DEFB115: variants seen among roughly 807,000 people sequenced by gnomAD.
DEFB115 encodes the protein defensin beta 115, also known as beta-defensin 115.
DEFB115 carries 7 observed loss-of-function variants against 8.8 expected under a neutral mutation model. The ratio of observed to expected loss-of-function variants is 0.79; its 90% confidence interval spans 0.45 to 1.49. DEFB115 has a LOEUF of 1.49. Among genes scored for constraint, DEFB115 ranks in the 40% most tolerant of loss-of-function variants. DEFB115 has a pLI of 0.01. For synonymous variants in DEFB115, 62 were observed against 37.6 expected (o/e 1.65, Z -2.37); for missense variants, 143 against 99.4 (o/e 1.44, Z -1.86).
chr20:31,259,373 C>A, intron 1 of DEFB115, 87 bp from the exon 2 acceptor site: 1 of 1,337,626 alleles, frequency 7.5e-7, no homozygotes, highest in Non-Finnish European at 9.9e-7. Flanking sequence ...TCACTCTAAC[C>A]ATTATTACTA....
chr20:31,259,553 A>G lies in DEFB115; in HGVS notation c.188A>G (p.His63Arg). 1 of 1,613,246 alleles carries G rather than the reference A, an allele frequency of 6.2e-7. No individual in the cohort carries two copies. Among genetic ancestry groups the G allele is most frequent in the Non-Finnish European group, 8.5e-7 (1 of 1,179,610 alleles). ...ERKKEKCGEK[H>R]ICCVPKEKDK... Reference sequence around the variant, plus strand: ...AAGAAAGAAAAATGTGGGGAAAAACATATTTGCTGTGTCCCTAAAGAAAAG... The same window carrying G: ...AAGAAAGAAAAATGTGGGGAAAAACGTATTTGCTGTGTCCCTAAAGAAAAG... Residue 63 changes from histidine to arginine, a missense_variant, in exon 2 of 2, where the codon CAT becomes CGT. His to Arg is a conservative substitution (Grantham distance 29, BLOSUM62 0). Coordinates refer to ENST00000400552, the MANE Select transcript of DEFB115 (RefSeq NM_001037730.1).
intron 1 of DEFB115, among the ~76,000 whole-genome samples, chr20:31,258,760 G>T (rs186517673): frequency 1.3e-5 from 2 of 152,260 alleles, no homozygotes; most frequent in East Asian, 3.9e-4. Flanking sequence ...AGAGAATTAG[G>T]AATTATCTCC....
Position 31,259,454 on chromosome 20 carries a change from TGATA to T in DEFB115, c.95-2_96del, listed in dbSNP as rs534397123. 3.1e-4 allele frequency: 485 copies of T among 1,585,472 alleles called. 3 individuals carry two copies. The highest frequency in any genetic ancestry group is 3.0e-3 in the South Asian group (255 of 85,018). ...TATATATTCATGTGTTTGCTTATTT[TGATA>T]GATGGATGGATCAGAAGGTGCTATT... On this transcript the variant is annotated splice_acceptor_variant and splice_polypyrimidine_tract_variant and intron_variant, in intron 1 of 1. Transcript: ENST00000400552. LOFTEE classifies it high-confidence loss of function.
At chr20:31,259,025 C>T (rs747311948) in intron 1 of DEFB115, among the ~76,000 whole-genome samples, 1 of 152,080 alleles carries the variant, frequency 6.6e-6, no homozygotes, top group Non-Finnish European at 1.5e-5. Context: ...TGTTCAGGGT[C>T]TTGCTTTAAA....
intron 1 of DEFB115, 137 bp downstream of exon 1, chr20:31,257,894 A>T (rs1983798031): frequency 2.7e-6 from 2 of 747,562 alleles, no homozygotes; most frequent in South Asian, 3.6e-5. Flanking sequence ...GCTTATAATG[A>T]ATATGCTCCC....
intron 1 of DEFB115, 55 bp downstream of exon 1, chr20:31,257,812 C>T: frequency 6.1e-6 from 9 of 1,474,678 alleles, no homozygotes; most frequent in Non-Finnish European, 8.5e-6. Context: ...GTCCTAACCA[C>T]AGAATCACTG....
At chr20:31,259,375 T>C (rs1286656783) in intron 1 of DEFB115, 85 bp from the exon 2 acceptor site, 1 of 1,352,936 alleles carries the variant, frequency 7.4e-7, no homozygotes, top group South Asian at 1.7e-5. Flanking sequence ...ACTCTAACCA[T>C]TATTACTATT....
chr20:31,258,951 C>T (rs758214974), intron 1 of DEFB115, among the ~76,000 whole-genome samples: 15 of 152,088 alleles, frequency 9.9e-5, no homozygotes, highest in Non-Finnish European at 1.9e-4. Flanking sequence ...CACCCACCCC[C>T]CAACACACAC....
chr20:31,259,374 A>G (rs1389065729), intron 1 of DEFB115, 86 bp from the exon 2 acceptor site: 9 of 1,348,124 alleles, frequency 6.7e-6, no homozygotes, highest in African/African-American at 4.5e-5. Context: ...CACTCTAACC[A>G]TTATTACTAT....
chr20:31,259,516 GA>G lies in DEFB115; in HGVS notation c.154del (p.Ile52LeufsTer?). On this transcript the variant is annotated frameshift_variant, in exon 2 of 2. Coordinates refer to ENST00000400552, the MANE Select transcript of DEFB115 (RefSeq NM_001037730.1). LOFTEE classifies it high-confidence loss of function. ...GTGRCRKSCK[E>X]IERKKEKCGE... ...TGGCAGATGCAGGAAATCATGCAAAGAAATTGAGAGGAAGAAAGAAAAATGT... is the reference window on the plus strand; with the variant it reads ...TGGCAGATGCAGGAAATCATGCAAAGAATTGAGAGGAAGAAAGAAAAATGT... The G allele has an allele frequency of 6.2e-7, 1 of 1,613,204 alleles. No individual in the cohort carries two copies. The highest frequency in any genetic ancestry group is 8.5e-7 in the Non-Finnish European group (1 of 1,179,558).
chr20:31,259,358 A>G, intron 1 of DEFB115, 102 bp from the exon 2 acceptor site: 9 of 1,232,156 alleles, frequency 7.3e-6, no homozygotes, highest in Non-Finnish European at 8.6e-6. Flanking sequence ...GTCAAAATCA[A>G]TGTTTCACTC....
At position 31,257,710 on chromosome 20, in the gene DEFB115, C is replaced by A; in HGVS notation, c.47C>A (p.Ser16Tyr). ...FSPLSGDIKL[S>Y]VLALVVLVVL... The stretch of plus-strand genomic sequence containing the variant: ...CCCCTCTCAGGAGACATTAAACTCT[C>A]TGTCCTGGCCTTAGTTGTCCTTGTG... Residue 16 changes from serine to tyrosine, a missense_variant, in exon 1 of 2, where the codon TCT becomes TAT. By Grantham distance (144) the Ser-to-Tyr change is moderately radical. Transcript: ENST00000400552. 1 of 1,614,064 alleles carries A rather than the reference C, an allele frequency of 6.2e-7. No homozygotes were observed. Among genetic ancestry groups the A allele is most frequent in the Non-Finnish European group, 8.5e-7 (1 of 1,179,962 alleles).
intron 1 of DEFB115, 78 bp downstream of exon 1, chr20:31,257,835 T>C: frequency 1.5e-6 from 2 of 1,312,128 alleles, no homozygotes; most frequent in Non-Finnish European, 2.2e-6. Flanking sequence ...AAATTGAACA[T>C]GTGTAGAAGC....
chr20:31,259,407 G>A (rs948262980), intron 1 of DEFB115, 53 bp from the exon 2 acceptor site: 9 of 1,473,808 alleles, frequency 6.1e-6, no homozygotes, highest in Non-Finnish European at 8.1e-6. Context: ...TTCTTTAATT[G>A]TATTTATTTT....
At chr20:31,259,188 A>G (rs745975876) in intron 1 of DEFB115, among the ~76,000 whole-genome samples, 1 of 152,184 alleles carries the variant, frequency 6.6e-6, no homozygotes, top group African/African-American at 2.4e-5. Flanking sequence ...AGATTTAGAG[A>G]GGAAGTAGAA....
rs372311779 is a variant in DEFB115 at position 31,259,603 on chromosome 20, C to T, written c.238C>T (p.Gln80Ter). Residue 80 changes from glutamine to a stop codon, truncating the protein, a stop_gained, in exon 2 of 2, where the codon CAA becomes TAA. Coordinates refer to ENST00000400552, the MANE Select transcript of DEFB115 (RefSeq NM_001037730.1). LOFTEE classifies it high-confidence loss of function. ...GGATAAACTATCACACATTCACGACCAAAAAGAGACAAGTGAGCTATATAT... is the reference window on the plus strand; with the variant it reads ...GGATAAACTATCACACATTCACGACTAAAAAGAGACAAGTGAGCTATATAT... Reference protein sequence around the residue: ...EKDKLSHIHDQKETSELYI With the variant: ...EKDKLSHIHD 9 of 1,599,542 alleles carry T rather than the reference C, an allele frequency of 5.6e-6. No homozygotes were observed. The highest frequency in any genetic ancestry group is 7.7e-6 in the Non-Finnish European group (9 of 1,174,124).
chr20:31,259,117 T>C (rs1983833373), intron 1 of DEFB115, among the ~76,000 whole-genome samples: 1 of 152,020 alleles, frequency 6.6e-6, no homozygotes, highest in African/African-American at 2.4e-5. Context: ...AGATGAATAA[T>C]GAATGGAGAG....
chr20:31,258,400 T>C (rs1983810388), intron 1 of DEFB115, among the ~76,000 whole-genome samples: 1 of 152,192 alleles, frequency 6.6e-6, no homozygotes, highest in South Asian at 2.1e-4. Flanking sequence ...AATGGAAATG[T>C]TTTCCCCTTA....
rs906231675 is a variant in DEFB115, at chr20:31,258,625, G to A, written c.95-835G>A. ...TTCCAGCGAGGGCAAGTAGAATAGAGGGAGTTGCAGATGCAAGAGACATTT... is the reference window on the plus strand; with the variant it reads ...TTCCAGCGAGGGCAAGTAGAATAGAAGGAGTTGCAGATGCAAGAGACATTT... On this transcript the variant is annotated intron_variant, in intron 1 of 1. Transcript: ENST00000400552. Among the ~76,000 whole-genome samples the A allele has an allele frequency of 3.9e-5, 6 of 152,300 alleles. No individual in the cohort carries two copies. The East Asian group carries it at 1.2e-3, about 29-fold the overall frequency.
Sources: allele counts gnomAD v4.1 joint callset (sites outside exome capture counted in the v4.1 genomes callset), GRCh38; gene constraint gnomAD v4.1.1; transcripts MANE v1.5; gene names NCBI Gene and HGNC (gene_info 2026-07-23, HGNC 2026-07-21).